Variants in FAM229B observed in about 807,000 individuals in gnomAD.
FAM229B encodes the protein protein FAM229B.
A neutral mutation model predicts 6.7 loss-of-function variants in FAM229B; 2 were observed. The observed-to-expected ratio is 0.30, with a 90% CI of 0.12 to 0.94. The LOEUF is 0.94. Ranked by LOEUF, FAM229B falls within the 40% of genes least tolerant of loss-of-function variation. The pLI is 0.54. For synonymous variants in FAM229B, 29 were observed against 34.0 expected, an observed-to-expected ratio of 0.85 and a Z score of 0.51; for missense variants, 93 against 96.2, an observed-to-expected ratio of 0.97 and a Z score of 0.14.
intron 1 of FAM229B, among the ~76,000 whole-genome samples, chr6:112,092,330 A>G (rs1158230077): frequency 1.3e-5 from 2 of 152,242 alleles, no homozygotes; most frequent in African/African-American, 4.8e-5. Context: ...GACATATTAC[A>G]TATAGAGGAA....
chr6:112,099,898 A>G (rs1385360331), intron 3 of FAM229B, among the ~76,000 whole-genome samples: 1 of 152,238 alleles, frequency 6.6e-6, no homozygotes, highest in Non-Finnish European at 1.5e-5. Flanking sequence ...TAGAATCTGA[A>G]GATTCTGTGA....
intron 2 of FAM229B, among the ~76,000 whole-genome samples, chr6:112,098,021 AT>A (rs1390232796): frequency 6.6e-6 from 1 of 152,198 alleles, no homozygotes; most frequent in African/African-American, 2.4e-5. Context: ...TACTCTTTGC[AT>A]CCAGTGGGTA....
chr6:112,098,070 G>A (rs1485009959), intron 2 of FAM229B, among the ~76,000 whole-genome samples: 2 of 152,140 alleles, frequency 1.3e-5, no homozygotes, highest in Non-Finnish European at 2.9e-5. Context: ...ACAGTGCACA[G>A]GACAGTATCC....
At chr6:112,097,738 C>T (rs1777346111) in intron 2 of FAM229B, among the ~76,000 whole-genome samples, 1 of 151,518 alleles carries the variant, frequency 6.6e-6, no homozygotes, top group East Asian at 1.9e-4. Flanking sequence ...ACATTGTGTA[C>T]TAATAGTTGA....
At chr6:112,091,275 C>G (rs1448579299) in intron 1 of FAM229B, among the ~76,000 whole-genome samples, 2 of 152,038 alleles carry the variant, frequency 1.3e-5, no homozygotes, top group Non-Finnish European at 2.9e-5. Flanking sequence ...TATGCAAAAA[C>G]AAAGCTCTGA....
intron 1 of FAM229B, among the ~76,000 whole-genome samples, chr6:112,090,036 A>G (rs781811547): frequency 2.6e-5 from 4 of 152,194 alleles, no homozygotes; most frequent in Non-Finnish European, 5.9e-5. Flanking sequence ...GAGTGGGATG[A>G]AGAAAAAACA....
chr6:112,088,609 T>G (rs1777212613), intron 1 of FAM229B, among the ~76,000 whole-genome samples: 1 of 152,170 alleles, frequency 6.6e-6, no homozygotes, highest in African/African-American at 2.4e-5. Flanking sequence ...CCGGTAGGTT[T>G]AAAGTTGCAA....
At chr6:112,088,177 G>C (rs767148366) in intron 1 of FAM229B, among the ~76,000 whole-genome samples, 1 of 152,174 alleles carries the variant, frequency 6.6e-6, no homozygotes, top group Non-Finnish European at 1.5e-5. Context: ...TTGACTATAA[G>C]TGCAATAGGA....
At chr6:112,095,662 CAAA>C (rs376039549) in intron 1 of FAM229B, among the ~76,000 whole-genome samples, 6 of 77,906 alleles carry the variant, frequency 7.7e-5, no homozygotes, top group Non-Finnish European at 1.6e-4. Flanking sequence ...AAAAAAAAAC[CAAA>C]AAAAAAAAAA....
intron 3 of FAM229B, 133 bp downstream of exon 3, chr6:112,099,541 T>C: frequency 1.2e-6 from 1 of 840,280 alleles, no homozygotes; most frequent in Non-Finnish European, 1.7e-6. Context: ...AGTTAGCGTA[T>C]TAACAGAGCC....
rs949822974 is a variant in FAM229B, at chr6:112,102,775, A to T, written c.*1988A>T. ...AAAACCCATCAAAATAAAAATAAAA[A>T]CTACAATAAAATCCAGCACCAAAAG... On this transcript the variant is annotated 3_prime_UTR_variant, in exon 4 of 4. Transcript: ENST00000368656. The T allele has an allele frequency of 1.3e-5, 2 of 152,142 alleles. No homozygotes were observed. Among genetic ancestry groups the T allele is most frequent in the East Asian group, 3.8e-4 (2 of 5,196 alleles). The allele number at this position is 152,142 out of a possible 1,614,324, so 9.4% of individuals were successfully genotyped here.
At chr6:112,099,105 A>G (rs1231688459) in intron 2 of FAM229B, among the ~76,000 whole-genome samples, 165 bp from the exon 3 acceptor site, 2 of 152,178 alleles carry the variant, frequency 1.3e-5, no homozygotes, top group Non-Finnish European at 2.9e-5. Context: ...ATTGTAGTGC[A>G]CTATGATTGC....
intron 3 of FAM229B, among the ~76,000 whole-genome samples, chr6:112,100,413 A>T (rs1164578373): frequency 6.6e-6 from 1 of 152,202 alleles, no homozygotes; most frequent in Non-Finnish European, 1.5e-5. Flanking sequence ...TACCTTTCAA[A>T]ATCAACATCC....
intron 2 of FAM229B, among the ~76,000 whole-genome samples, chr6:112,098,009 G>A (rs1388363097): frequency 1.3e-5 from 2 of 152,134 alleles, no homozygotes; most frequent in Non-Finnish European, 2.9e-5. Flanking sequence ...TTGGGAGAGG[G>A]GTACTCTTTG....
intron 3 of FAM229B, among the ~76,000 whole-genome samples, chr6:112,099,864 C>G (rs587766055): frequency 6.6e-6 from 1 of 152,198 alleles, no homozygotes; most frequent in Non-Finnish European, 1.5e-5. Flanking sequence ...GGCTTTGCTG[C>G]GACCTTTGGC....
chr6:112,099,322 A>G lies in FAM229B; in HGVS notation c.39A>G (p.Pro13=), dbSNP rs371948159. ...TTGGAACCCAGCCAAGGAGGTTTCCAGTGGAAGGAGGAGATTCTTCAATTG... is the reference window on the plus strand; with the variant it reads ...TTGGAACCCAGCCAAGGAGGTTTCCGGTGGAAGGAGGAGATTCTTCAATTG... ...FQFGTQPRRF[P]VEGGDSSIEL... Residue 13 remains proline (P), a synonymous_variant, in exon 3 of 4, where the codon CCA becomes CCG. Transcript: ENST00000368656. 4 of 1,613,958 alleles carry G rather than the reference A, an allele frequency of 2.5e-6. No individual in the cohort carries two copies. The highest frequency in any genetic ancestry group is 2.2e-5 in the South Asian group (2 of 91,060).
At position 112,101,111 on chromosome 6, in the gene FAM229B, C is replaced by A. The variant is rs1383737322; in HGVS notation, c.*324C>A. Reference sequence around the variant, plus strand: ...GGTCATCAGTCAGGTGGGGCTTATTCTAAATGCTTAATGTGTCTTAAGCTC... The same window carrying A: ...GGTCATCAGTCAGGTGGGGCTTATTATAAATGCTTAATGTGTCTTAAGCTC... On this transcript the variant is annotated 3_prime_UTR_variant, in exon 4 of 4. Transcript: ENST00000368656. The A allele has an allele frequency of 3.3e-4, 70 of 210,622 alleles. No individual in the cohort carries two copies. Among genetic ancestry groups the A allele is most frequent in the Non-Finnish European group, 6.4e-4 (67 of 105,364 alleles). 13.0% of individuals were successfully genotyped at this position (210,622 alleles called of 1,614,324 possible).
chr6:112,098,045 G>A (rs1777349902), intron 2 of FAM229B, among the ~76,000 whole-genome samples: 1 of 152,178 alleles, frequency 6.6e-6, no homozygotes, highest in African/African-American at 2.4e-5. Context: ...GGCCTTGAAT[G>A]CTGCGAAACA....
In FAM229B at chr6:112,100,775, G is replaced by T. The variant is rs782560513; in HGVS notation, c.231G>T (p.Met77Ile). Residue 77 changes from methionine (M) to isoleucine (I), a missense_variant, in exon 4 of 4, where the codon ATG becomes ATT. Coordinates refer to ENST00000368656, the MANE Select transcript of FAM229B (RefSeq NM_001033564.3). ...RKPPAQSSKE[M>I]HPK ...CACCTGCACAAAGCAGCAAGGAAAT[G>T]CATCCTAAATAGCACCATTAAGTCT... 1.2e-6 allele frequency: 2 copies of T among 1,612,548 alleles called. No homozygotes were observed. Among genetic ancestry groups the T allele is most frequent in the Non-Finnish European group, 1.7e-6 (2 of 1,178,634 alleles).
Sources: allele counts gnomAD v4.1 joint callset (sites outside exome capture counted in the v4.1 genomes callset), GRCh38; gene constraint gnomAD v4.1.1; transcripts MANE v1.5; gene names NCBI Gene and HGNC (gene_info 2026-07-23, HGNC 2026-07-21).